The following PCDH19 variants were observed in gnomAD, a reference collection of about 807,000 sequenced individuals.
PCDH19 encodes protocadherin-19.
Under a neutral mutation model 46.2 loss-of-function variants are expected in PCDH19, and 6 were observed. The observed-to-expected ratio is 0.13, with a 90% CI of 0.07 to 0.26. PCDH19 has a LOEUF of 0.26. Ranked by LOEUF, PCDH19 falls within the 10% of genes least tolerant of loss-of-function variation. The pLI, the probability that PCDH19 is intolerant of heterozygous loss-of-function variation, is 1.00. For missense variants in PCDH19, 740 were observed against 972.3 expected (o/e 0.76, Z 3.18); for synonymous variants, 481 against 415.7 (o/e 1.16, Z -1.91).
chrX:100,404,302 G>A (rs1340201054), intron 1 of PCDH19, among the ~76,000 whole-genome samples: 2 of 111,873 alleles, frequency 1.8e-5, no homozygotes, highest in African/African-American at 6.5e-5. Context: ...AAGATTTGCA[G>A]TGATGGCAAA....
At chrX:100,403,430 A>C in intron 2 of PCDH19, 94 bp downstream of exon 2, 10 of 835,689 alleles carry the variant, frequency 1.2e-5, no homozygotes, top group African/African-American at 2.0e-5. Context: ...TCCCTGCCCT[A>C]GCCCGGTTCC....
At chrX:100,338,362 A>C (rs957375595) in intron 5 of PCDH19, among the ~76,000 whole-genome samples, 1 of 105,103 alleles carries the variant, frequency 9.5e-6, no homozygotes, top group African/African-American at 3.5e-5. Context: ...AAAAAAAAAA[A>C]AATACAAAAA....
intron 3 of PCDH19, among the ~76,000 whole-genome samples, chrX:100,365,913 T>C (rs1216331751): frequency 8.9e-6 from 1 of 112,090 alleles, no homozygotes; most frequent in Non-Finnish European, 1.9e-5. Context: ...TAAAACCTAA[T>C]ACTCAAAGTC....
In PCDH19 at chrX:100,329,737, G is replaced by A. The variant is rs188769630; in HGVS notation, c.2848+12166C>T. 5.3e-4 allele frequency among the ~76,000 whole-genome samples: 58 copies of A among 109,243 alleles called. No homozygotes were observed. The East Asian group carries it at 0.016, about 30-fold the overall frequency. 94.9% of individuals were successfully genotyped at this position (109,243 alleles called of 115,157 possible). A position where few individuals can be genotyped will look rare whatever the true frequency, so the allele number is the denominator to read the frequency against. On this transcript the variant is annotated intron_variant, in intron 5 of 5. Transcript: ENST00000373034. ...AGCCTGGCCAACATAGCGAAACCCC[G>A]TCTCTACTAAAAATACAAAAAAAAA...
At chrX:100,351,822 C>T (rs1361325426) in intron 3 of PCDH19, among the ~76,000 whole-genome samples, 1 of 112,515 alleles carries the variant, frequency 8.9e-6, no homozygotes, top group Non-Finnish European at 1.9e-5. Flanking sequence ...TAGATGCAGC[C>T]CTTGCTTCCA....
At chrX:100,365,440 A>T (rs1477367165) in intron 3 of PCDH19, among the ~76,000 whole-genome samples, 2 of 111,886 alleles carry the variant, frequency 1.8e-5, no homozygotes, top group African/African-American at 6.5e-5. Flanking sequence ...TTCATAAATT[A>T]AAAAATATAT....
At chrX:100,386,551 C>T (rs944317196) in intron 3 of PCDH19, among the ~76,000 whole-genome samples, 6 of 111,974 alleles carry the variant, frequency 5.4e-5, no homozygotes, top group Non-Finnish European at 1.1e-4. Flanking sequence ...CAAATCCTGG[C>T]TTAACTGCAA....
chrX:100,320,706 G>T (rs1925448704), intron 5 of PCDH19, among the ~76,000 whole-genome samples: 1 of 108,902 alleles, frequency 9.2e-6, no homozygotes, highest in Non-Finnish European at 1.9e-5. Context: ...CAGATCAGTG[G>T]AAATGACAAG....
At position 100,375,733 on chromosome X, in the gene PCDH19, G is replaced by A. The variant is rs139794630; in HGVS notation, c.2617-25029C>T. On this transcript the variant is annotated intron_variant, in intron 3 of 5. Coordinates refer to ENST00000373034, the MANE Select transcript of PCDH19 (RefSeq NM_001184880.2). ...CCCTATATGATTAAAGACAAGCCTC[G>A]GAAAAGAAAACCTCCCTGACTACTG... 5.9e-3 allele frequency among the ~76,000 whole-genome samples: 654 copies of A among 111,516 alleles called. 4 individuals carry two copies. The highest frequency in any genetic ancestry group is 0.02 in the African/African-American group (622 of 30,676).
chrX:100,356,758 T>TTCTCTCTCTCTC (rs60053212), intron 3 of PCDH19, among the ~76,000 whole-genome samples: 34 of 102,981 alleles, frequency 3.3e-4, no homozygotes, highest in Non-Finnish European at 6.7e-4. Flanking sequence ...CCCTAATTCA[T>TTCTCTCTCTCTC]TCTCTCTCTC....
chrX:100,337,502 G>A (rs1380297755), intron 5 of PCDH19, among the ~76,000 whole-genome samples: 1 of 112,334 alleles, frequency 8.9e-6, no homozygotes, highest in East Asian at 2.8e-4. Flanking sequence ...ATTAATTCAT[G>A]GGCACTGGAT....
At chrX:100,354,443 G>T (rs963090500) in intron 3 of PCDH19, among the ~76,000 whole-genome samples, 9 of 111,704 alleles carry the variant, frequency 8.1e-5, no homozygotes, top group Non-Finnish European at 1.7e-4. Context: ...GCCTGGAATT[G>T]GACCCAGGCA....
Position 100,402,542 on chromosome X carries a change from G to A in PCDH19, c.2598C>T (p.Asn866=), listed in dbSNP as rs371444167. The change falls in exon 3 of 6, where the codon AAC becomes AAT. Residue 866 remains asparagine (N), a synonymous_variant. Coordinates refer to ENST00000373034, the MANE Select transcript of PCDH19 (RefSeq NM_001184880.2). ...QGPQQPDLII[N]GVPLPETENY... is the part of the protein sequence containing the mutation. The stretch of plus-strand genomic sequence containing the variant: ...CACTCACCTCAGGCAGAGGCACACC[G>A]TTGATAATCAGGTCAGGCTGCTGGG... 2.2e-5 allele frequency: 27 copies of A among 1,209,302 alleles called. No homozygotes were observed. The highest frequency in any genetic ancestry group is 4.6e-4 in the Middle Eastern group (2 of 4,370).
At chrX:100,372,295 A>G (rs751397665) in intron 3 of PCDH19, among the ~76,000 whole-genome samples, 1 of 112,063 alleles carries the variant, frequency 8.9e-6, no homozygotes, top group African/African-American at 3.2e-5. Context: ...CTAAGATGTC[A>G]GAACCTGATC....
At chrX:100,403,791 G>T in intron 1 of PCDH19, 127 bp from the exon 2 acceptor site, 1 of 488,279 alleles carries the variant, frequency 2.0e-6, no homozygotes. Context: ...ACCCAGCAAC[G>T]TGCACCAAAG....
intron 5 of PCDH19, among the ~76,000 whole-genome samples, chrX:100,333,661 A>C (rs1925989165): frequency 8.9e-6 from 1 of 112,082 alleles, no homozygotes; most frequent in Admixed American, 9.5e-5. Context: ...AAAATATGGA[A>C]ATTCTTAATG....
intron 4 of PCDH19, among the ~76,000 whole-genome samples, chrX:100,348,065 C>CAAAAAAAAAAAA (rs1177957771): frequency 3.9e-4 from 16 of 40,508 alleles, no homozygotes; most frequent in African/African-American, 6.9e-4. Flanking sequence ...GATTCCGTCT[C>CAAAAAAAAAAAA]AAAAAAAAAA....
intron 3 of PCDH19, among the ~76,000 whole-genome samples, chrX:100,367,698 T>C (rs1484026121): frequency 9.0e-6 from 1 of 111,506 alleles, no homozygotes; most frequent in Non-Finnish European, 1.9e-5. Flanking sequence ...TCTTAAAGGC[T>C]CCACCTTTTA....
intron 3 of PCDH19, among the ~76,000 whole-genome samples, chrX:100,394,630 T>A (rs916446128): frequency 1.8e-5 from 2 of 112,259 alleles, no homozygotes; most frequent in Non-Finnish European, 3.8e-5. Context: ...ATGGCAGCTG[T>A]CATATTTTAT....
Sources: gnomAD v4.1 joint callset for allele counts (sites outside exome capture counted in the v4.1 genomes callset) on GRCh38, gnomAD v4.1.1 for gene constraint, MANE v1.5 for transcripts, NCBI Gene and HGNC (gene_info 2026-07-23, HGNC 2026-07-21) for gene names.